ARMC3: variants seen among roughly 807,000 people sequenced by gnomAD.
The protein encoded by ARMC3 is armadillo repeat containing 3.
A neutral mutation model predicts 90.3 loss-of-function variants in ARMC3; 74 were observed. The ratio of observed to expected loss-of-function variants is 0.82; its 90% CI spans 0.68 to 0.99. The LOEUF is 0.99. Among genes scored for constraint, ARMC3 ranks in the 50% least tolerant of loss-of-function variants. ARMC3 has a pLI of 0.00. For missense variants in ARMC3, 958 were observed against 1,042.8 expected (o/e 0.92, Z 1.12); for synonymous variants, 334 against 361.8 (o/e 0.92, Z 0.87).
intron 6 of ARMC3, chr10:22,960,158 C>T: frequency 5.1e-6 from 1 of 196,274 alleles, no homozygotes; most frequent in Non-Finnish European, 1.1e-5. Flanking sequence ...CACATACACA[C>T]ACACACACAC....
At chr10:22,950,735 G>T (rs182748654) in intron 3 of ARMC3, among the ~76,000 whole-genome samples, 96 of 152,166 alleles carry the variant, frequency 6.3e-4, no homozygotes, top group African/African-American at 2.3e-3. Context: ...CCTTCAAGAA[G>T]TGCATTTAGA....
chr10:23,038,472 G>T lies in ARMC3; in HGVS notation c.*993G>T, dbSNP rs1050918333. On this transcript the variant is annotated 3_prime_UTR_variant, in exon 19 of 19. Transcript: ENST00000298032. The stretch of plus-strand genomic sequence containing the variant: ...AGCTAAGATTATTTTGTATTAATTT[G>T]TAATTTCAAATAATATAATTCTTTA... 6.6e-6 allele frequency: 1 copy of T among 152,118 alleles called. No individual in the cohort carries two copies. The highest frequency in any genetic ancestry group is 2.4e-5 in the African/African-American group (1 of 41,424). 9.4% of individuals were successfully genotyped at this position (152,118 alleles called of 1,614,324 possible). A position where few individuals can be genotyped will look rare whatever the true frequency, so the allele number is the denominator to read the frequency against.
At chr10:22,999,408 G>C (rs1489846784) in intron 11 of ARMC3, among the ~76,000 whole-genome samples, 1 of 152,102 alleles carries the variant, frequency 6.6e-6, no homozygotes, top group Admixed American at 6.5e-5. Context: ...CCTCCTAAAA[G>C]AATAAAAATA....
Position 22,998,221 on chromosome 10 carries a change from A to AACG in ARMC3, c.1250_1252dup (p.Asn417_Ala418insAsp). On this transcript the variant is annotated inframe_insertion, in exon 11 of 19. Transcript: ENST00000298032. Reference sequence around the variant, plus strand: ...TAGTAAACGAGATGGAGCCATTGCCAACGCTGCTACAGTATTAACAAACAT... The same window carrying AACG: ...TAGTAAACGAGATGGAGCCATTGCCAACGACGCTGCTACAGTATTAACAAACAT... 6.2e-7 allele frequency: 1 copy of AACG among 1,613,420 alleles called. No individual in the cohort carries two copies. The highest frequency in any genetic ancestry group is 8.5e-7 in the Non-Finnish European group (1 of 1,179,652).
intron 13 of ARMC3, 89 bp downstream of exon 13, chr10:23,003,503 C>A: frequency 9.7e-7 from 1 of 1,033,082 alleles, no homozygotes; most frequent in Non-Finnish European, 1.3e-6. Flanking sequence ...TTCATCATCA[C>A]CTAATGTAAT....
chr10:22,946,195 C>G lies in ARMC3; in HGVS notation c.100C>G (p.Leu34Val). The G allele has an allele frequency of 6.2e-7, 1 of 1,613,206 alleles. No individual in the cohort carries two copies. The highest frequency in any genetic ancestry group is 8.5e-7 in the Non-Finnish European group (1 of 1,179,672). Residue 34 changes from leucine (L) to valine (V), a missense_variant, in exon 3 of 19, where the codon CTT (leucine) becomes GTT (valine). Coordinates refer to ENST00000298032, the MANE Select transcript of ARMC3 (RefSeq NM_173081.5). ...SKKAATVVLM[L>V]NSPEEEILAK... ...AAAAGCAGCAACTGTGGTGTTAATG[C>G]TTAATTCTCCAGAAGAGGAAATTTT...
In ARMC3 at chr10:22,932,158, AAAGTCTGACT is replaced by A. The variant is rs555229435; in HGVS notation, c.48+117_48+126del. The stretch of plus-strand genomic sequence containing the variant: ...CATGAATACGCGGTGGCAGAAGTCC[AAAGTCTGACT>A]AATGATAAGATTAGTCAGAGAAATC... On this transcript the variant is annotated intron_variant, in intron 2 of 18. Coordinates refer to ENST00000298032, the MANE Select transcript of ARMC3 (RefSeq NM_173081.5). 291 of 702,192 alleles carry A rather than the reference AAAGTCTGACT, an allele frequency of 4.1e-4. 5 individuals are homozygous for A. The Admixed American group carries it at 8.6e-3, about 21-fold the overall frequency. 43.5% of individuals were successfully genotyped at this position (702,192 alleles called of 1,614,324 possible).
chr10:23,030,565 T>C (rs766433172), intron 16 of ARMC3, 31 bp from the exon 17 acceptor site: 7 of 1,587,534 alleles, frequency 4.4e-6, no homozygotes, highest in Non-Finnish European at 6.0e-6. Context: ...GCAGAAGATG[T>C]GATTTTGATT....
intron 2 of ARMC3, among the ~76,000 whole-genome samples, chr10:22,939,042 G>T (rs1474205930): frequency 6.6e-6 from 1 of 152,132 alleles, no homozygotes; most frequent in Non-Finnish European, 1.5e-5. Flanking sequence ...AGTCACTGAG[G>T]GTGAAAGTAA....
chr10:23,033,344 C>A (rs146290476), intron 18 of ARMC3, among the ~76,000 whole-genome samples: 8 of 152,160 alleles, frequency 5.3e-5, no homozygotes, highest in Non-Finnish European at 1.2e-4. Flanking sequence ...AAATGACAGT[C>A]CCTACACTCA....
chr10:22,980,073 C>T (rs1026051880), intron 8 of ARMC3, among the ~76,000 whole-genome samples: 8 of 151,958 alleles, frequency 5.3e-5, no homozygotes, highest in African/African-American at 9.7e-5. Context: ...AACTTTACAA[C>T]GGAAACCTAG....
intron 13 of ARMC3, among the ~76,000 whole-genome samples, chr10:23,004,450 C>T (rs754870899): frequency 2.6e-5 from 4 of 152,072 alleles, no homozygotes; most frequent in Non-Finnish European, 5.9e-5. Flanking sequence ...AAAAAAATCA[C>T]AGACAGGAGC....
intron 10 of ARMC3, among the ~76,000 whole-genome samples, chr10:22,984,937 A>G (rs899520614): frequency 6.6e-6 from 1 of 151,808 alleles, no homozygotes; most frequent in Admixed American, 6.6e-5. Flanking sequence ...CAATGGTACA[A>G]TCGTAGCTCA....
At chr10:22,987,921 G>GA (rs1836528593) in intron 10 of ARMC3, among the ~76,000 whole-genome samples, 1 of 152,132 alleles carries the variant, frequency 6.6e-6, no homozygotes, top group African/African-American at 2.4e-5. Flanking sequence ...TACAATACCA[G>GA]AGACAAAAAG....
intron 16 of ARMC3, among the ~76,000 whole-genome samples, chr10:23,019,681 TC>T (rs1406746710): frequency 1.3e-5 from 2 of 152,126 alleles, no homozygotes; most frequent in Non-Finnish European, 2.9e-5. Context: ...CACCTCAGCC[TC>T]CCGAGTAGCT....
chr10:23,030,582 G>A lies in ARMC3; in HGVS notation c.2046-14G>A. Reference sequence around the variant, plus strand: ...AGAAGATGTGATTTTGATTGCCCTTGTTTACTTTCAAAGGAAAAGCAAAGG... The same window carrying A: ...AGAAGATGTGATTTTGATTGCCCTTATTTACTTTCAAAGGAAAAGCAAAGG... On this transcript the variant is annotated splice_polypyrimidine_tract_variant and intron_variant, in intron 16 of 18. Coordinates refer to ENST00000298032, the MANE Select transcript of ARMC3 (RefSeq NM_173081.5). The A allele has an allele frequency of 6.2e-7, 1 of 1,604,582 alleles. No individual in the cohort carries two copies. The highest frequency in any genetic ancestry group is 8.5e-7 in the Non-Finnish European group (1 of 1,174,918).
chr10:23,031,806 G>A (rs1056749120), intron 17 of ARMC3, among the ~76,000 whole-genome samples: 3 of 152,064 alleles, frequency 2.0e-5, no homozygotes, highest in African/African-American at 7.2e-5. Flanking sequence ...CATGGCTCTG[G>A]TTCCCTGCCA....
At chr10:22,932,865 C>G (rs74535418) in intron 2 of ARMC3, among the ~76,000 whole-genome samples, 1,585 of 152,322 alleles carry the variant, frequency 0.01, 17 homozygotes, top group Middle Eastern at 0.048. Flanking sequence ...CCAACTGTGT[C>G]ATTGTGGCCA....
chr10:22,928,723 C>G (rs946648271), intron 1 of ARMC3, among the ~76,000 whole-genome samples: 2 of 152,246 alleles, frequency 1.3e-5, no homozygotes, highest in African/African-American at 4.8e-5. Context: ...CAAATTTCAA[C>G]AATCAGAGAC....
Sources: gnomAD v4.1 joint callset for allele counts (sites outside exome capture counted in the v4.1 genomes callset) on GRCh38, gnomAD v4.1.1 for gene constraint, MANE v1.5 for transcripts, NCBI Gene and HGNC (gene_info 2026-07-23, HGNC 2026-07-21) for gene names.